TTC3: variants seen among roughly 807,000 people sequenced by gnomAD.
TTC3 encodes tetratricopeptide repeat domain 3.
In TTC3, 180 loss-of-function variants were observed where a neutral mutation model predicts 249.6. That is an observed-to-expected ratio of 0.72 (90% CI 0.64 to 0.82). TTC3 has a LOEUF of 0.82. Among genes scored for constraint, TTC3 ranks in the 40% least tolerant of loss-of-function variants. The probability of loss-of-function intolerance (pLI) is 0.00; values close to 1 mark genes in which losing one functional copy is unlikely to be tolerated. For missense variants in TTC3, 2,061 were observed against 2,398.4 expected, an observed-to-expected ratio of 0.86 and a Z score of 2.94; for synonymous variants, 717 against 805.0, an observed-to-expected ratio of 0.89 and a Z score of 1.85.
At chr21:37,096,926 A>C (rs1568901508) in intron 10 of TTC3, 1 of 260,926 alleles carries the variant, frequency 3.8e-6, no homozygotes, top group Non-Finnish European at 7.2e-6. Context: ...GTTATAGTCC[A>C]CATTTTACAT....
chr21:37,173,703 A>G (rs1324658557), intron 35 of TTC3, among the ~76,000 whole-genome samples: 1 of 152,234 alleles, frequency 6.6e-6, no homozygotes, highest in African/African-American at 2.4e-5. Flanking sequence ...AAACCTATTT[A>G]CTAAGATTTT....
intron 42 of TTC3, among the ~76,000 whole-genome samples, chr21:37,196,503 C>T (rs561003346): frequency 7.3e-4 from 111 of 152,272 alleles, no homozygotes; most frequent in Admixed American, 1.5e-3. Context: ...TCCCAAAGTG[C>T]TGGGGTTACA....
At chr21:37,123,325 A>G (rs970057642) in intron 13 of TTC3, among the ~76,000 whole-genome samples, 5 of 152,206 alleles carry the variant, frequency 3.3e-5, no homozygotes, top group African/African-American at 4.8e-5. Context: ...CAGTTTGGCC[A>G]TGAAACTCCT....
chr21:37,182,741 C>T, intron 35 of TTC3, 33 bp from the exon 36 acceptor site: 2 of 1,533,604 alleles, frequency 1.3e-6, no homozygotes, highest in Non-Finnish European at 8.8e-7. Flanking sequence ...GTATATTTTG[C>T]CATTTATTTA....
chr21:37,170,061 A>AT (rs992921074), intron 34 of TTC3, among the ~76,000 whole-genome samples: 2 of 152,132 alleles, frequency 1.3e-5, no homozygotes, highest in Non-Finnish European at 2.9e-5. Flanking sequence ...AACGGGAAAA[A>AT]TTTTTTGTAA....
chr21:37,093,165 CAGG>C (rs2073497006), intron 7 of TTC3: 1 of 152,098 alleles, frequency 6.6e-6, no homozygotes, highest in Non-Finnish European at 1.5e-5. Context: ...ATCACGAGGT[CAGG>C]AGATCGAGAC....
intron 45 of TTC3, among the ~76,000 whole-genome samples, 183 bp downstream of exon 45, chr21:37,200,507 G>C (rs1377645579): frequency 6.6e-6 from 1 of 152,234 alleles, no homozygotes; most frequent in Non-Finnish European, 1.5e-5. Flanking sequence ...AGGAAGGGCA[G>C]CTCTGGAGAC....
Position 37,091,275 on chromosome 21 carries a change from AT to A in TTC3, c.481-15del. On this transcript the variant is annotated splice_polypyrimidine_tract_variant and intron_variant, in intron 6 of 45. Transcript: ENST00000355666. ...ATTAATAACCAAAGCCCCATTCTTC[AT>A]TTCTCTTTTGAAACAGAAAATCTTG... The A allele has an allele frequency of 6.2e-7, 1 of 1,603,038 alleles. No homozygotes were observed. Among genetic ancestry groups the A allele is most frequent in the Non-Finnish European group, 8.5e-7 (1 of 1,176,290 alleles).
At chr21:37,171,407 C>T (rs2081775136) in intron 34 of TTC3, among the ~76,000 whole-genome samples, 2 of 152,202 alleles carry the variant, frequency 1.3e-5, no homozygotes, top group Admixed American at 1.3e-4. Flanking sequence ...GAAGTTGCAT[C>T]ACTTGGTTCT....
chr21:37,133,025 A>T (rs550654712), intron 17 of TTC3, among the ~76,000 whole-genome samples: 1 of 152,228 alleles, frequency 6.6e-6, no homozygotes, highest in Non-Finnish European at 1.5e-5. Context: ...CATTTAATAT[A>T]TATGACTGCT....
chr21:37,082,884 T>C (rs1467145830), intron 1 of TTC3: 75 of 977,094 alleles, frequency 7.7e-5, no homozygotes, highest in Non-Finnish European at 8.8e-5. Context: ...CCAAGCAAGC[T>C]TTCTTGGTGA....
At chr21:37,197,073 A>G (rs900287889) in intron 42 of TTC3, among the ~76,000 whole-genome samples, 4 of 152,266 alleles carry the variant, frequency 2.6e-5, no homozygotes, top group Admixed American at 2.6e-4. Context: ...CTCTATGCTC[A>G]GGAATGACCT....
intron 40 of TTC3, 24 bp downstream of exon 40, chr21:37,191,448 C>T (rs778632660): frequency 8.2e-6 from 12 of 1,458,946 alleles, no homozygotes; most frequent in Non-Finnish European, 1.1e-5. Flanking sequence ...ATCTTTTAAT[C>T]CCATCAAAAT....
At chr21:37,121,537 T>C (rs2076585768) in intron 11 of TTC3, among the ~76,000 whole-genome samples, 2 of 152,244 alleles carry the variant, frequency 1.3e-5, no homozygotes, top group African/African-American at 4.8e-5. Flanking sequence ...TAGCAAAATA[T>C]AACAAAAGTT....
At chr21:37,170,083 A>G (rs1042833674) in intron 34 of TTC3, among the ~76,000 whole-genome samples, 2 of 152,210 alleles carry the variant, frequency 1.3e-5, no homozygotes, top group African/African-American at 4.8e-5. Flanking sequence ...ATCAGTAAAC[A>G]GCATGGGAAA....
chr21:37,202,879 G>C (rs1404762072), exon 46 of TTC3: 1 of 152,168 alleles, frequency 6.6e-6, no homozygotes, highest in Non-Finnish European at 1.5e-5. Flanking sequence ...TCACGCCTTA[G>C]TTTGAAACAG....
intron 16 of TTC3, among the ~76,000 whole-genome samples, chr21:37,129,773 A>G (rs1385926216): frequency 1.3e-5 from 2 of 152,128 alleles, no homozygotes; most frequent in African/African-American, 2.4e-5. Flanking sequence ...CAGGACTACT[A>G]CTGCTACTAT....
intron 19 of TTC3, among the ~76,000 whole-genome samples, chr21:37,139,622 A>G (rs555122675): frequency 6.6e-6 from 1 of 152,296 alleles, no homozygotes; most frequent in South Asian, 2.1e-4. Context: ...TCTCAGTGTC[A>G]CAGATTAATA....
intron 11 of TTC3, among the ~76,000 whole-genome samples, chr21:37,109,418 C>T (rs941241696): frequency 1.2e-4 from 19 of 152,326 alleles, no homozygotes; most frequent in East Asian, 3.9e-4. Flanking sequence ...GATTATATCC[C>T]GCACCTGGCT....
Sources: allele counts gnomAD v4.1 joint callset (sites outside exome capture counted in the v4.1 genomes callset), GRCh38; gene constraint gnomAD v4.1.1; transcripts MANE v1.5; gene names NCBI Gene and HGNC (gene_info 2026-07-23, HGNC 2026-07-21).